FER: variants seen among roughly 807,000 people sequenced by gnomAD.
FER encodes the protein tyrosine-protein kinase Fer.
FER carries 63 observed loss-of-function variants against 111.0 expected under a neutral mutation model. The ratio of observed to expected loss-of-function variants is 0.57; its 90% CI spans 0.46 to 0.70. FER has a LOEUF of 0.70. FER is among the 30% of genes least tolerant of loss of function. FER has a pLI of 0.00. For synonymous variants in FER, 327 were observed against 313.9 expected (o/e 1.04, Z -0.44); for missense variants, 914 against 954.0 (o/e 0.96, Z 0.55).
chr5:108,990,985 G>C (rs1763092669), intron 13 of FER, among the ~76,000 whole-genome samples: 1 of 151,582 alleles, frequency 6.6e-6, no homozygotes, highest in African/African-American at 2.4e-5. Context: ...GAATGAATAT[G>C]TATTTGCATA....
chr5:108,877,924 T>C (rs76228571), intron 8 of FER, among the ~76,000 whole-genome samples: 1 of 152,094 alleles, frequency 6.6e-6, no homozygotes, highest in Non-Finnish European at 1.5e-5. Context: ...CTTTTTTTTT[T>C]AGACTGAGTC....
At position 108,946,284 on chromosome 5, in the gene FER, A is replaced by T. The variant is rs567027183; in HGVS notation, c.1329+62A>T. 66 of 1,036,398 alleles carry T rather than the reference A, an allele frequency of 6.4e-5. 1 individual carries two copies. In the African/African-American group the frequency reaches 7.8e-4, roughly 12 times the overall value. 64.2% of individuals were successfully genotyped at this position (1,036,398 alleles called of 1,614,324 possible). A position where few individuals can be genotyped will look rare whatever the true frequency, so the allele number is the denominator to read the frequency against. Reference sequence around the variant, plus strand: ...TCATTGTCTAGCTTCTTTCTGATGCACTAATGAATATATATATATGTGTGT... The same window carrying T: ...TCATTGTCTAGCTTCTTTCTGATGCTCTAATGAATATATATATATGTGTGT... On this transcript the variant is annotated intron_variant, in intron 11 of 19. Transcript: ENST00000281092.
intron 17 of FER, among the ~76,000 whole-genome samples, chr5:109,132,975 C>T (rs574332898): frequency 2.6e-5 from 4 of 152,270 alleles, no homozygotes; most frequent in African/African-American, 9.6e-5. Context: ...CCTGTTGCTG[C>T]ATAACCAAAG....
chr5:109,060,018 T>C (rs6893738), intron 16 of FER, among the ~76,000 whole-genome samples: 23,658 of 152,128 alleles, frequency 0.16, 1,897 homozygotes, highest in South Asian at 0.21. Flanking sequence ...GCTACTAATA[T>C]ATGCTACAAC....
intron 10 of FER, among the ~76,000 whole-genome samples, chr5:108,931,569 A>G (rs2149584487): frequency 6.6e-6 from 1 of 152,276 alleles, no homozygotes; most frequent in African/African-American, 2.4e-5. Context: ...CCAGGCCAAA[A>G]ATGGCTCTTT....
At chr5:109,030,676 A>C (rs72790557) in intron 13 of FER, among the ~76,000 whole-genome samples, 1 of 152,064 alleles carries the variant, frequency 6.6e-6, no homozygotes, top group South Asian at 2.1e-4. Context: ...TCTTAGGCCT[A>C]TGGGATTGTT....
chr5:109,100,840 G>T (rs1031336344), intron 17 of FER, among the ~76,000 whole-genome samples: 1 of 150,120 alleles, frequency 6.7e-6, no homozygotes, highest in Non-Finnish European at 1.5e-5. Context: ...AATCAGATAA[G>T]ATTGTTTCAT....
intron 5 of FER, among the ~76,000 whole-genome samples, chr5:108,840,698 C>T (rs1316866935): frequency 1.3e-5 from 2 of 152,096 alleles, no homozygotes; most frequent in Non-Finnish European, 2.9e-5. Context: ...ACATTTTTGA[C>T]AGGACTGCTT....
chr5:109,114,072 G>C (rs73779133), intron 17 of FER, among the ~76,000 whole-genome samples: 148 of 152,208 alleles, frequency 9.7e-4, no homozygotes, highest in African/African-American at 3.3e-3. Context: ...TCTTAGAATT[G>C]AAAGTCTGTG....
chr5:109,187,520 C>CTAAGT lies in FER; in HGVS notation c.2416_2420dup (p.Phe807LeufsTer65). 1 of 1,614,072 alleles carries CTAAGT rather than the reference C, an allele frequency of 6.2e-7. No homozygotes were observed. Among genetic ancestry groups the CTAAGT allele is most frequent in the Non-Finnish European group, 8.5e-7 (1 of 1,179,998 alleles). On this transcript the variant is annotated frameshift_variant, in exon 20 of 20. Transcript: ENST00000281092. LOFTEE classifies it high-confidence loss of function. ...TGGGATTATAAACCTGAAAATCGCC[C>CTAAGT]TAAGTTCAGTGAACTTCAGAAAGAG... is the stretch of plus-strand genomic sequence containing the variant.
chr5:109,015,546 T>G (rs1766966980), intron 13 of FER, among the ~76,000 whole-genome samples: 1 of 151,844 alleles, frequency 6.6e-6, no homozygotes, highest in Non-Finnish European at 1.5e-5. Flanking sequence ...CTCAAAGAGC[T>G]TCTATCTGCC....
chr5:109,098,423 T>G (rs1714415120), intron 16 of FER, among the ~76,000 whole-genome samples: 1 of 151,778 alleles, frequency 6.6e-6, no homozygotes, highest in South Asian at 2.1e-4. Flanking sequence ...ACTGGGGTTA[T>G]GTCATATGCT....
chr5:109,119,050 G>C (rs1289808667), intron 17 of FER, among the ~76,000 whole-genome samples: 1 of 151,568 alleles, frequency 6.6e-6, no homozygotes, highest in Non-Finnish European at 1.5e-5. Flanking sequence ...CCTTCTGCTA[G>C]CTTTTGAATG....
chr5:109,127,841 T>C (rs375635749), intron 17 of FER, among the ~76,000 whole-genome samples: 3 of 152,304 alleles, frequency 2.0e-5, no homozygotes, highest in African/African-American at 7.2e-5. Context: ...TGTTCAGAAG[T>C]AGGCTCCTGA....
intron 17 of FER, among the ~76,000 whole-genome samples, chr5:109,166,075 A>T (rs1756524547): frequency 6.6e-6 from 1 of 151,960 alleles, no homozygotes; most frequent in Non-Finnish European, 1.5e-5. Context: ...GCTTGATTAC[A>T]GGAAAACTTA....
intron 1 of FER, chr5:108,748,497 A>C (rs11741158): frequency 0.14 from 21,313 of 152,378 alleles, 1,921 homozygotes; most frequent in Non-Finnish European, 0.21. Flanking sequence ...CGAGCCTCCC[A>C]AAGTTTCCTG....
chr5:108,757,015 G>T (rs996590548), intron 1 of FER, among the ~76,000 whole-genome samples: 1 of 152,050 alleles, frequency 6.6e-6, no homozygotes, highest in Non-Finnish European at 1.5e-5. Flanking sequence ...TTCTTTTTGT[G>T]ATCTGGAACC....
rs535508898 is a variant in FER at position 108,873,440 on chromosome 5, C to A, written c.923+1228C>A. On this transcript the variant is annotated intron_variant, in intron 8 of 19. Coordinates refer to ENST00000281092, the MANE Select transcript of FER (RefSeq NM_005246.4). ...GATTACAGGCGTGAGCCACTGTGCC[C>A]AGCCAGGTTTTGGAATCTTTAAAGC... Among the ~76,000 whole-genome samples, 207 of 152,286 alleles carry A rather than the reference C, an allele frequency of 1.4e-3. 1 individual carries two copies. Among genetic ancestry groups the A allele is most frequent in the African/African-American group, 4.9e-3 (202 of 41,574 alleles).
rs568277181 is a variant in FER, at chr5:108,920,875, A to G, written c.1236+23027A>G. On this transcript the variant is annotated intron_variant, in intron 10 of 19. Coordinates refer to ENST00000281092, the MANE Select transcript of FER (RefSeq NM_005246.4). ...AATTCTAATCCTCACCATGAACTCA[A>G]TTACATAATCTCATCCCTGCCTACT... Among the ~76,000 whole-genome samples, 27 of 152,232 alleles carry G rather than the reference A, an allele frequency of 1.8e-4. No homozygotes were observed. The South Asian group carries it at 4.8e-3, about 27-fold the overall frequency.
Sources: allele counts gnomAD v4.1 joint callset (sites outside exome capture counted in the v4.1 genomes callset), GRCh38; gene constraint gnomAD v4.1.1; transcripts MANE v1.5; gene names NCBI Gene and HGNC (gene_info 2026-07-23, HGNC 2026-07-21).